ZSWIM7: variants seen among roughly 807,000 people sequenced by gnomAD.
ZSWIM7 encodes zinc finger SWIM domain-containing protein 7.
A neutral mutation model predicts 21.1 loss-of-function variants in ZSWIM7; 22 were observed. The ratio of observed to expected loss-of-function variants is 1.04; its 90% CI spans 0.74 to 1.49. ZSWIM7 has a LOEUF of 1.49. Among genes scored for constraint, ZSWIM7 ranks in the 40% most tolerant of loss-of-function variants. The pLI is 0.00. For synonymous variants in ZSWIM7, 67 were observed against 66.5 expected (o/e 1.01, Z -0.04); for missense variants, 193 against 168.0 (o/e 1.15, Z -0.82).
chr17:15,977,995 G>T lies in ZSWIM7; in HGVS notation c.*52C>A. 7.2e-7 allele frequency: 1 copy of T among 1,379,578 alleles called. No homozygotes were observed. The highest frequency in any genetic ancestry group is 1.0e-6 in the Non-Finnish European group (1 of 969,184). 85.5% of individuals were successfully genotyped at this position (1,379,578 alleles called of 1,614,324 possible). On this transcript the variant is annotated 3_prime_UTR_variant, in exon 5 of 5. Coordinates refer to ENST00000399277, the MANE Select transcript of ZSWIM7 (RefSeq NM_001042697.2). Reference sequence around the variant, plus strand: ...CCATGTGAATCATGACGCTTTCAATGCATTTCTTGACAGGATTCTATTTTG... The same window carrying T: ...CCATGTGAATCATGACGCTTTCAATTCATTTCTTGACAGGATTCTATTTTG...
chr17:15,982,663 T>C (rs985524342), intron 3 of ZSWIM7, among the ~76,000 whole-genome samples: 1 of 152,064 alleles, frequency 6.6e-6, no homozygotes, highest in Non-Finnish European at 1.5e-5. Context: ...TTAATTTTTG[T>C]TTTTTGGAGA....
intron 2 of ZSWIM7, among the ~76,000 whole-genome samples, chr17:15,993,062 G>A (rs80312585): frequency 0.064 from 9,671 of 151,710 alleles, 434 homozygotes; most frequent in African/African-American, 0.13. Flanking sequence ...ATTTTTAGTA[G>A]AGACAGGGTT....
chr17:15,997,573 T>A (rs1346096034), intron 1 of ZSWIM7, among the ~76,000 whole-genome samples: 1 of 152,140 alleles, frequency 6.6e-6, no homozygotes, highest in African/African-American at 2.4e-5. Flanking sequence ...ATCATACAAA[T>A]AAAACTTGGA....
intron 1 of ZSWIM7, among the ~76,000 whole-genome samples, chr17:15,996,886 C>T (rs942951394): frequency 6.6e-5 from 10 of 150,496 alleles, no homozygotes; most frequent in Admixed American, 4.0e-4. Context: ...GGGCCGGGTG[C>T]GGTGGCTCAT....
At chr17:15,991,498 ACTT>A (rs1884629808) in intron 2 of ZSWIM7, among the ~76,000 whole-genome samples, 1 of 152,124 alleles carries the variant, frequency 6.6e-6, no homozygotes. Flanking sequence ...ATTTGTGTCA[ACTT>A]CTTTTCTGTG....
At chr17:15,980,278 A>C (rs1970340158) in intron 4 of ZSWIM7, 1 of 152,416 alleles carries the variant, frequency 6.6e-6, no homozygotes, top group African/African-American at 2.4e-5. Context: ...CTGATGTCAG[A>C]GAACACAGCT....
At position 15,982,629 on chromosome 17, in the gene ZSWIM7, T is replaced by C. The variant is rs143691539; in HGVS notation, c.202-1485A>G. Among the ~76,000 whole-genome samples the C allele has an allele frequency of 2.8e-3, 424 of 152,298 alleles. 4 individuals are homozygous for C. The highest frequency in any genetic ancestry group is 9.6e-3 in the African/African-American group (400 of 41,568). On this transcript the variant is annotated intron_variant, in intron 3 of 4. Transcript: ENST00000399277. The stretch of plus-strand genomic sequence containing the variant: ...GGTTCATATAATGCAGTTATCCCAG[T>C]ACAGCTTTTATTAACATTTTTTTTT...
chr17:15,999,540 C>G lies in ZSWIM7; in HGVS notation c.55G>C (p.Ala19Pro). The stretch of plus-strand genomic sequence containing the variant: ...GTACTTCGCGCGCTCTCCTGCACCG[C>G]CGCCGCCATCTCGCTCAGGAGCTCC... ...VEELLSEMAAAVQESARIPDE... is the reference protein window; with the variant it reads ...VEELLSEMAAPVQESARIPDE... The change falls in exon 1 of 5, where the codon GCG becomes CCG. Residue 19 changes from alanine (A) to proline (P), a missense_variant. By Grantham distance (27) the Ala-to-Pro change is conservative. Transcript: ENST00000399277. 6.2e-7 allele frequency: 1 copy of G among 1,600,290 alleles called. No homozygotes were observed. Among genetic ancestry groups the G allele is most frequent in the Non-Finnish European group, 8.5e-7 (1 of 1,176,328 alleles).
At chr17:15,990,248 A>T (rs200150853) in intron 2 of ZSWIM7, among the ~76,000 whole-genome samples, 27 of 35,382 alleles carry the variant, frequency 7.6e-4, no homozygotes, top group Non-Finnish European at 2.3e-4. Context: ...GCAATAAACC[A>T]AAATTTAAGA....
In ZSWIM7 at chr17:15,976,865, G is replaced by C. The variant is rs1301721898; in HGVS notation, c.*1182C>G. ...CTTCTAGGATCCTCTTCTGGCTGTG[G>C]GCAGCTTTACCATAAGTTCTTGTCT... On this transcript the variant is annotated 3_prime_UTR_variant, in exon 5 of 5. Transcript: ENST00000399277. 2 of 151,784 alleles carry C rather than the reference G, an allele frequency of 1.3e-5. No homozygotes were observed. Among genetic ancestry groups the C allele is most frequent in the Non-Finnish European group, 2.9e-5 (2 of 67,972 alleles). 9.4% of individuals were successfully genotyped at this position (151,784 alleles called of 1,614,324 possible). A position where few individuals can be genotyped will look rare whatever the true frequency, so the allele number is the denominator to read the frequency against.
chr17:15,982,941 C>T, intron 3 of ZSWIM7, among the ~76,000 whole-genome samples: 1 of 152,166 alleles, frequency 6.6e-6, no homozygotes, highest in Non-Finnish European at 1.5e-5. Flanking sequence ...GCATGAGCTA[C>T]CACACCCAGC....
intron 2 of ZSWIM7, among the ~76,000 whole-genome samples, chr17:15,989,284 A>G (rs1014137695): frequency 6.6e-6 from 1 of 152,158 alleles, no homozygotes; most frequent in Admixed American, 6.6e-5. Flanking sequence ...TAACTTTTTT[A>G]AAGGAAACCT....
intron 4 of ZSWIM7, 117 bp from the exon 5 acceptor site, chr17:15,978,280 C>A (rs1332152987): frequency 4.0e-6 from 3 of 751,448 alleles, no homozygotes. Flanking sequence ...ATACAGATTA[C>A]GGGGTCTCTA....
chr17:15,991,191 A>G (rs192223151), intron 2 of ZSWIM7: 2 of 152,008 alleles, frequency 1.3e-5, no homozygotes, highest in African/African-American at 2.4e-5. Flanking sequence ...AAATTTTTCC[A>G]TATCACTTTT....
Position 15,978,134 on chromosome 17 carries a change from A to T in ZSWIM7, c.336T>A (p.Ser112Arg). 1 of 1,614,142 alleles carries T rather than the reference A, an allele frequency of 6.2e-7. No homozygotes were observed. The change falls in exon 5 of 5, where the codon AGT (serine) becomes AGA (arginine). Residue 112 changes from serine (S) to arginine (R), a missense_variant. Coordinates refer to ENST00000399277, the MANE Select transcript of ZSWIM7 (RefSeq NM_001042697.2). Reference sequence around the variant, plus strand: ...GCTGCTGACAGGTCCTCATAACCTGACTCAGGTAAACTGCCAAGAGATGCT... The same window carrying T: ...GCTGCTGACAGGTCCTCATAACCTGTCTCAGGTAAACTGCCAAGAGATGCT... Reference protein sequence around the residue: ...LCKHLLAVYLSQVMRTCQQLS... With the variant: ...LCKHLLAVYLRQVMRTCQQLS...
intron 2 of ZSWIM7, among the ~76,000 whole-genome samples, chr17:15,991,910 TTTTGTTTGTTTTGTTTTGTTTTG>T (rs887780562): frequency 2.1e-5 from 2 of 97,416 alleles, no homozygotes; most frequent in African/African-American, 1.0e-4. Context: ...TTTTGTTTTT[TTTTGTTTGTTTTGTTTTGTTTTG>T]TTTTTTTTTT....
At chr17:15,988,824 T>A (rs972457499) in intron 2 of ZSWIM7, among the ~76,000 whole-genome samples, 1 of 151,828 alleles carries the variant, frequency 6.6e-6, no homozygotes, top group Non-Finnish European at 1.5e-5. Context: ...ATCGAGACCA[T>A]CCTGGCTAAC....
At chr17:15,988,504 T>C (rs556469659) in intron 2 of ZSWIM7, among the ~76,000 whole-genome samples, 43 of 152,222 alleles carry the variant, frequency 2.8e-4, no homozygotes, top group East Asian at 2.3e-3. Context: ...TCAACTTTAA[T>C]AGATATTGCC....
At chr17:15,985,335 C>CTCAGGTG (rs1482465954) in intron 3 of ZSWIM7, among the ~76,000 whole-genome samples, 1 of 151,182 alleles carries the variant, frequency 6.6e-6, no homozygotes, top group African/African-American at 2.4e-5. Flanking sequence ...TAGAAAACAA[C>CTCAGGTG]TCAGGTGTCA....
Sources: gnomAD v4.1 joint callset for allele counts (sites outside exome capture counted in the v4.1 genomes callset) on GRCh38, gnomAD v4.1.1 for gene constraint, MANE v1.5 for transcripts, NCBI Gene and HGNC (gene_info 2026-07-23, HGNC 2026-07-21) for gene names.